Variants in CACNA2D3 observed in about 807,000 individuals in gnomAD.
CACNA2D3 encodes the protein calcium voltage-gated channel auxiliary subunit alpha2delta 3.
In CACNA2D3, 60 loss-of-function variants were observed where a neutral mutation model predicts 160.6. The ratio of observed to expected loss-of-function variants is 0.37; its 90% CI spans 0.30 to 0.46. The LOEUF (loss-of-function observed/expected upper bound fraction) is 0.46, where lower values mean the gene tolerates loss of function less well. Among genes scored for constraint, CACNA2D3 ranks in the 20% least tolerant of loss-of-function variants. CACNA2D3 has a pLI of 1.00. For synonymous variants in CACNA2D3, 558 were observed against 492.9 expected (o/e 1.13, Z -1.75); for missense variants, 1,205 against 1,365.0 (o/e 0.88, Z 1.85).
intron 5 of CACNA2D3, among the ~76,000 whole-genome samples, chr3:54,552,499 TAGG>T (rs1209522118): frequency 1.1e-4 from 17 of 152,318 alleles, no homozygotes; most frequent in Admixed American, 3.3e-4. Context: ...CTCTGTTATC[TAGG>T]AGTTTTTACA....
rs187755494 is a variant in CACNA2D3, at chr3:54,862,972, G to T, written c.1627-8567G>T. 2.1e-4 allele frequency among the ~76,000 whole-genome samples: 32 copies of T among 152,176 alleles called. No homozygotes were observed. The East Asian group carries it at 5.0e-3, about 24-fold the overall frequency. On this transcript the variant is annotated intron_variant, in intron 17 of 37. Transcript: ENST00000474759. ...CACATACCCAAAAGTCTTTTGATATGGTCAACTGCTCAAAGGAATAATGTC... is the reference window on the plus strand; with the variant it reads ...CACATACCCAAAAGTCTTTTGATATTGTCAACTGCTCAAAGGAATAATGTC...
At chr3:54,618,898 TG>T (rs1326287211) in intron 9 of CACNA2D3, among the ~76,000 whole-genome samples, 1 of 152,208 alleles carries the variant, frequency 6.6e-6, no homozygotes, top group African/African-American at 2.4e-5. Context: ...GCACTGTGTT[TG>T]TAATGAATTG....
intron 29 of CACNA2D3, among the ~76,000 whole-genome samples, chr3:54,971,561 G>C (rs1702276702): frequency 6.6e-6 from 1 of 152,174 alleles, no homozygotes; most frequent in Non-Finnish European, 1.5e-5. Context: ...TGGTTACGTA[G>C]TTGGTCGATT....
chr3:54,477,482 C>T (rs900281654), intron 4 of CACNA2D3, among the ~76,000 whole-genome samples: 1 of 152,096 alleles, frequency 6.6e-6, no homozygotes, highest in Non-Finnish European at 1.5e-5. Context: ...CAAGAACAGC[C>T]CCAGCACCCA....
chr3:54,899,443 A>G (rs994949359), intron 26 of CACNA2D3, among the ~76,000 whole-genome samples: 7 of 152,210 alleles, frequency 4.6e-5, no homozygotes, highest in East Asian at 1.9e-4. Context: ...CAGTGTAAAT[A>G]TGACCACTGA....
chr3:54,939,553 G>A (rs983267659), intron 27 of CACNA2D3, among the ~76,000 whole-genome samples: 2 of 152,226 alleles, frequency 1.3e-5, no homozygotes, highest in Non-Finnish European at 2.9e-5. Flanking sequence ...GTCTGCTGTG[G>A]CCAGGGATTG....
At chr3:54,581,196 G>T (rs1177857081) in intron 8 of CACNA2D3, among the ~76,000 whole-genome samples, 1 of 152,204 alleles carries the variant, frequency 6.6e-6, no homozygotes, top group Non-Finnish European at 1.5e-5. Flanking sequence ...CTACCTGGTT[G>T]TGAGCTTCGG....
intron 11 of CACNA2D3, among the ~76,000 whole-genome samples, chr3:54,751,555 C>G (rs528903182): frequency 6.6e-6 from 1 of 152,252 alleles, no homozygotes; most frequent in African/African-American, 2.4e-5. Flanking sequence ...CCCTTCCTTC[C>G]CTAGTCAACT....
intron 3 of CACNA2D3, among the ~76,000 whole-genome samples, chr3:54,333,921 A>T (rs1037164651): frequency 7.2e-5 from 11 of 152,194 alleles, no homozygotes; most frequent in Non-Finnish European, 1.3e-4. Flanking sequence ...GAGACAATGC[A>T]TAATTTGCTC....
At chr3:54,180,029 C>CT (rs1170808380) in intron 2 of CACNA2D3, among the ~76,000 whole-genome samples, 51 of 140,452 alleles carry the variant, frequency 3.6e-4, no homozygotes, top group East Asian at 2.7e-3. Flanking sequence ...TTTTTTCTTC[C>CT]TTTTTTTTTT....
At chr3:54,237,006 T>G (rs1368350793) in intron 2 of CACNA2D3, among the ~76,000 whole-genome samples, 1 of 146,888 alleles carries the variant, frequency 6.8e-6, no homozygotes, top group Non-Finnish European at 1.5e-5. Context: ...TGCCTGAAAC[T>G]TCTTTTTTTT....
chr3:54,999,159 A>G (rs975651285), intron 31 of CACNA2D3, among the ~76,000 whole-genome samples: 1 of 152,214 alleles, frequency 6.6e-6, no homozygotes, highest in African/African-American at 2.4e-5. Flanking sequence ...CTTAAAGAAC[A>G]GTGCCATCTC....
chr3:54,153,096 T>C (rs550226481), intron 2 of CACNA2D3, among the ~76,000 whole-genome samples: 40 of 152,292 alleles, frequency 2.6e-4, no homozygotes, highest in African/African-American at 8.7e-4. Flanking sequence ...TGAGGACCCA[T>C]GGTGCAGAAT....
intron 20 of CACNA2D3, among the ~76,000 whole-genome samples, chr3:54,880,437 C>G (rs1699767267): frequency 6.6e-6 from 1 of 152,096 alleles, no homozygotes; most frequent in Non-Finnish European, 1.5e-5. Context: ...CTGGAGAGAC[C>G]CATCTCTGGC....
At chr3:54,170,521 C>G (rs1254864696) in intron 2 of CACNA2D3, among the ~76,000 whole-genome samples, 1 of 152,178 alleles carries the variant, frequency 6.6e-6, no homozygotes, top group Non-Finnish European at 1.5e-5. Context: ...AATATTGCTG[C>G]TGTTTTGGAA....
chr3:54,840,372 A>G (rs1037094297), intron 16 of CACNA2D3, among the ~76,000 whole-genome samples: 1 of 150,852 alleles, frequency 6.6e-6, no homozygotes, highest in African/African-American at 2.4e-5. Flanking sequence ...ATCTTGCCAA[A>G]TCTCACATCT....
chr3:54,909,314 G>A (rs1023238341), intron 27 of CACNA2D3, among the ~76,000 whole-genome samples: 1 of 151,878 alleles, frequency 6.6e-6, no homozygotes, highest in African/African-American at 2.4e-5. Context: ...CAGTTTATGG[G>A]ATTTTTTTTT....
At chr3:54,757,289 G>GT (rs1318108983) in intron 12 of CACNA2D3, among the ~76,000 whole-genome samples, 1 of 152,148 alleles carries the variant, frequency 6.6e-6, no homozygotes, top group African/African-American at 2.4e-5. Context: ...TGCCACATGT[G>GT]TTGTCGTCTG....
chr3:54,977,082 G>T (rs984577121), intron 29 of CACNA2D3, among the ~76,000 whole-genome samples: 17 of 152,250 alleles, frequency 1.1e-4, no homozygotes, highest in African/African-American at 4.1e-4. Flanking sequence ...AACAAATGGG[G>T]TAAGGGGCCA....
Sources: allele counts gnomAD v4.1 joint callset (sites outside exome capture counted in the v4.1 genomes callset), GRCh38; gene constraint gnomAD v4.1.1; transcripts MANE v1.5; gene names NCBI Gene and HGNC (gene_info 2026-07-23, HGNC 2026-07-21).